Variants in SASH1 observed in about 807,000 individuals in gnomAD.
SASH1 encodes SAM and SH3 domain containing 1, also known as SAM and SH3 domain-containing protein 1.
A neutral mutation model predicts 125.2 loss-of-function variants in SASH1; 44 were observed. The ratio of observed to expected loss-of-function variants is 0.35; its 90% confidence interval spans 0.28 to 0.45. SASH1 has a LOEUF of 0.45. Among genes scored for constraint, SASH1 ranks in the 20% least tolerant of loss-of-function variants. The pLI, the probability that SASH1 is intolerant of heterozygous loss-of-function variation, is 1.00. For synonymous variants in SASH1, 639 were observed against 649.1 expected (o/e 0.98, Z 0.24); for missense variants, 1,426 against 1,614.5 (o/e 0.88, Z 2.00).
chr6:148,433,967 G>C (rs1357735497), intron 2 of SASH1, among the ~76,000 whole-genome samples: 1 of 150,922 alleles, frequency 6.6e-6, no homozygotes, highest in Non-Finnish European at 1.5e-5. Flanking sequence ...TATAAATTGA[G>C]AAGTAACCAT....
intron 1 of SASH1, among the ~76,000 whole-genome samples, chr6:148,356,070 G>GTTT (rs200129121): frequency 4.9e-4 from 68 of 139,794 alleles, no homozygotes; most frequent in African/African-American, 1.5e-3. Context: ...GTATCATTCT[G>GTTT]TTTTTTTTTT....
At chr6:148,431,976 ATTT>A (rs5880778) in intron 2 of SASH1, among the ~76,000 whole-genome samples, 3 of 139,954 alleles carry the variant, frequency 2.1e-5, no homozygotes, top group Admixed American at 7.2e-5. Context: ...AAGTAATATA[ATTT>A]TTTTTTTTTT....
chr6:148,360,359 T>C (rs556007514), intron 1 of SASH1, among the ~76,000 whole-genome samples: 3 of 151,506 alleles, frequency 2.0e-5, no homozygotes, highest in South Asian at 2.1e-4. Flanking sequence ...TTTTTTTTTT[T>C]TTTTTCGAGA....
the SASH1 span, among the ~76,000 whole-genome samples, chr6:148,262,630 T>A: frequency 6.6e-6 from 1 of 152,196 alleles, no homozygotes; most frequent in Non-Finnish European, 1.5e-5. Flanking sequence ...ACACCTGTAA[T>A]CCCAGCACTT....
intron 4 of SASH1, among the ~76,000 whole-genome samples, chr6:148,444,587 C>T (rs1353619857): frequency 2.6e-5 from 4 of 152,194 alleles, no homozygotes; most frequent in African/African-American, 4.8e-5. Context: ...TTTTCTTACA[C>T]TATCTGGTCT....
chr6:148,532,971 C>G lies in SASH1; in HGVS notation c.1734+5C>G, dbSNP rs1461688902. ...ACAGACTCACTCAAGCTCAAGGTAT[C>G]TCTCTCCCTGGCCTCAGAGCAGCTA... is the stretch of plus-strand genomic sequence containing the variant. On this transcript the variant is annotated splice_donor_5th_base_variant and intron_variant, in intron 14 of 19. Transcript: ENST00000367467. This position sits in a 1 kb window ranked among gnomAD's most constrained non-coding sequence, Gnocchi z 4.7. 1.1e-5 allele frequency: 17 copies of G among 1,613,434 alleles called. No individual in the cohort carries two copies. Among genetic ancestry groups the G allele is most frequent in the Non-Finnish European group, 1.4e-5 (16 of 1,179,604 alleles).
intron 1 of SASH1, among the ~76,000 whole-genome samples, chr6:148,336,975 C>G (rs558010733): frequency 4.6e-5 from 7 of 152,302 alleles, no homozygotes; most frequent in Admixed American, 3.9e-4. Flanking sequence ...CCTAAATAGG[C>G]TGTACCTATA....
At chr6:148,303,826 T>TAAAA (rs913343750) in intron 1 of SASH1, among the ~76,000 whole-genome samples, 2 of 147,304 alleles carry the variant, frequency 1.4e-5, no homozygotes, top group East Asian at 2.0e-4. Flanking sequence ...AATAAATAAA[T>TAAAA]AAAATAAAAA....
At chr6:148,223,161 CAG>C in the SASH1 span, among the ~76,000 whole-genome samples, 79,421 of 151,736 alleles carry the variant, frequency 0.52, 21,293 homozygotes, top group East Asian at 0.73. Context: ...AGAGCCTAGA[CAG>C]AGAGAGAGCC....
At chr6:148,377,968 C>T in intron 1 of SASH1, among the ~76,000 whole-genome samples, 1 of 152,092 alleles carries the variant, frequency 6.6e-6, no homozygotes, top group East Asian at 1.9e-4. Flanking sequence ...CTACCTTACT[C>T]TGGGTCAGTA....
chr6:148,448,072 C>G (rs1029236856), intron 4 of SASH1, among the ~76,000 whole-genome samples: 2 of 151,766 alleles, frequency 1.3e-5, no homozygotes, highest in Non-Finnish European at 2.9e-5. Context: ...GGTACTTGGC[C>G]TCTACACCCC....
At chr6:148,483,732 G>T (rs1476931879) in intron 7 of SASH1, among the ~76,000 whole-genome samples, 1 of 152,130 alleles carries the variant, frequency 6.6e-6, no homozygotes, top group African/African-American at 2.4e-5. Flanking sequence ...CTAGAGCAGG[G>T]TATGTGAATT....
intron 1 of SASH1, among the ~76,000 whole-genome samples, chr6:148,296,216 C>T (rs1779759799): frequency 6.6e-6 from 1 of 152,118 alleles, no homozygotes; most frequent in Admixed American, 6.5e-5. Flanking sequence ...ACCTCCGTCT[C>T]CCAGGTTCAA....
At chr6:148,502,870 AATTTCCT>A (rs1305470847) in intron 8 of SASH1, among the ~76,000 whole-genome samples, 1 of 152,138 alleles carries the variant, frequency 6.6e-6, no homozygotes, top group Non-Finnish European at 1.5e-5. Context: ...AGTGTGCCTC[AATTTCCT>A]TACCCAGAGA....
chr6:148,323,442 A>G (rs1780708038), intron 1 of SASH1, among the ~76,000 whole-genome samples: 1 of 152,232 alleles, frequency 6.6e-6, no homozygotes, highest in Non-Finnish European at 1.5e-5. Context: ...GTGTACACTC[A>G]TTTGATAGTC....
chr6:148,295,017 A>G (rs1474041175), intron 1 of SASH1, among the ~76,000 whole-genome samples: 2 of 152,200 alleles, frequency 1.3e-5, no homozygotes, highest in East Asian at 1.9e-4. Context: ...ATGGATGCCT[A>G]GTAAGTCTTT....
chr6:148,308,279 C>T (rs1582946239), intron 1 of SASH1, among the ~76,000 whole-genome samples: 1 of 151,802 alleles, frequency 6.6e-6, no homozygotes, highest in Non-Finnish European at 1.5e-5. Context: ...AATCCGCCCC[C>T]CCCAAAAATG....
At position 148,544,672 on chromosome 6, in the gene SASH1, A is replaced by G. The variant is rs769422406; in HGVS notation, c.3202A>G (p.Thr1068Ala). The G allele has an allele frequency of 3.7e-6, 6 of 1,613,248 alleles. No individual in the cohort carries two copies. Among genetic ancestry groups the G allele is most frequent in the Non-Finnish European group, 5.1e-6 (6 of 1,179,728 alleles). Residue 1068 changes from threonine (T) to alanine (A), a missense_variant, in exon 18 of 20, where the codon ACA becomes GCA. Physicochemically the swap from Thr to Ala is moderately conservative, Grantham distance 58. Transcript: ENST00000367467. This position sits in a 1 kb window ranked among gnomAD's most constrained non-coding sequence, Gnocchi z 6.4. ...CTGGCTCTCAGAGCTCCCCGAGAAC[A>G]CAAGCCTCCAGGAGCACGGTGTGAA... ...PPWLSELPEN[T>A]SLQEHGVKLG...
At chr6:148,412,399 G>T (rs1784664954) in intron 2 of SASH1, among the ~76,000 whole-genome samples, 1 of 152,118 alleles carries the variant, frequency 6.6e-6, no homozygotes. Flanking sequence ...CAGCATCCAT[G>T]AATGAAAGAA....
Sources: gnomAD v4.1 joint callset for allele counts (sites outside exome capture counted in the v4.1 genomes callset) on GRCh38, gnomAD v4.1.1 for gene constraint, Gnocchi (gnomAD v3.1) non-coding constraint, MANE v1.5 for transcripts, NCBI Gene and HGNC (gene_info 2026-07-23, HGNC 2026-07-21) for gene names.